Variants in PCDH15 observed in about 807,000 individuals in gnomAD.
The protein encoded by PCDH15 is protocadherin-15.
PCDH15 carries 129 observed loss-of-function variants against 178.5 expected under a neutral mutation model. The ratio of observed to expected loss-of-function variants is 0.72; its 90% CI spans 0.63 to 0.84. PCDH15 has a LOEUF of 0.84. Ranked by LOEUF, PCDH15 falls within the 40% of genes least tolerant of loss-of-function variation. The probability of loss-of-function intolerance (pLI) is 0.00; values close to 1 mark genes in which losing one functional copy is unlikely to be tolerated. For missense variants in PCDH15, 2,230 were observed against 2,099.9 expected, an observed-to-expected ratio of 1.06 and a Z score of -1.21; for synonymous variants, 800 against 732.0, an observed-to-expected ratio of 1.09 and a Z score of -1.50.
intron 25 of PCDH15, among the ~76,000 whole-genome samples, chr10:53,917,439 GAATA>G (rs1195908384): frequency 6.6e-6 from 1 of 152,024 alleles, no homozygotes; most frequent in Admixed American, 6.5e-5. Context: ...AAAAAAAGAT[GAATA>G]AATTTACTAA....
intron 6 of PCDH15, among the ~76,000 whole-genome samples, chr10:54,345,829 A>C (rs144288710): frequency 0.01 from 1,404 of 137,196 alleles, 9 homozygotes; most frequent in South Asian, 0.02. Flanking sequence ...AAAAAAAAAA[A>C]AAAAAGAAAT....
chr10:55,542,372 G>A (rs1160782983), intron 2 of PCDH15, among the ~76,000 whole-genome samples: 5 of 150,538 alleles, frequency 3.3e-5, no homozygotes, highest in Admixed American at 6.6e-5. Context: ...AAATATAAAT[G>A]TGTCTATATA....
At chr10:54,969,082 A>AT (rs76066772) in intron 2 of PCDH15, among the ~76,000 whole-genome samples, 97 of 149,046 alleles carry the variant, frequency 6.5e-4, no homozygotes, top group Middle Eastern at 7.0e-3. Flanking sequence ...TGTTTCTATT[A>AT]TTTTTTTTTT....
intron 3 of PCDH15, among the ~76,000 whole-genome samples, chr10:54,836,498 G>A (rs938482818): frequency 2.6e-5 from 4 of 152,028 alleles, no homozygotes; most frequent in African/African-American, 9.7e-5. Context: ...TACTGCAATT[G>A]TTACACAGTT....
chr10:55,442,484 T>TATATATAATATATTATATATATATA (rs1839217411), intron 2 of PCDH15, among the ~76,000 whole-genome samples: 4 of 123,080 alleles, frequency 3.2e-5, no homozygotes, highest in African/African-American at 1.4e-4. Context: ...ATATATATTA[T>TATATATAATATATTATATATATATA]ATATATATAT....
At chr10:53,948,472 G>C (rs2252100) in intron 23 of PCDH15, among the ~76,000 whole-genome samples, 24 of 152,112 alleles carry the variant, frequency 1.6e-4, no homozygotes, top group African/African-American at 5.5e-4. Context: ...ATGTGATTTT[G>C]GTTTAAGTAC....
At chr10:54,326,847 A>G (rs1394664330) in intron 7 of PCDH15, among the ~76,000 whole-genome samples, 2 of 152,174 alleles carry the variant, frequency 1.3e-5, no homozygotes, top group African/African-American at 4.8e-5. Flanking sequence ...TGTTCTTAAA[A>G]CTTTTAAAAA....
At chr10:54,566,112 A>G (rs2088996497) in intron 2 of PCDH15, among the ~76,000 whole-genome samples, 1 of 152,148 alleles carries the variant, frequency 6.6e-6, no homozygotes, top group African/African-American at 2.4e-5. Context: ...ATACATACAT[A>G]AAATGGATTG....
At chr10:53,840,193 G>T (rs893240604) in intron 29 of PCDH15, 127 bp downstream of exon 29, 1 of 1,170,960 alleles carries the variant, frequency 8.5e-7, no homozygotes, top group Non-Finnish European at 1.3e-6. Context: ...CAGGTTCTTT[G>T]CTTACACTTC....
chr10:55,078,451 G>T (rs961468359), intron 2 of PCDH15, among the ~76,000 whole-genome samples: 8 of 151,968 alleles, frequency 5.3e-5, no homozygotes, highest in Admixed American at 5.3e-4. Context: ...CTGATAATTT[G>T]TATATGTAGT....
intron 2 of PCDH15, among the ~76,000 whole-genome samples, chr10:54,615,026 T>C (rs764793489): frequency 6.6e-6 from 1 of 152,056 alleles, no homozygotes; most frequent in Non-Finnish European, 1.5e-5. Flanking sequence ...TTTTATTGAA[T>C]GTTGGATAGG....
At chr10:54,629,192 C>A (rs1348084537) in intron 2 of PCDH15, among the ~76,000 whole-genome samples, 3 of 151,884 alleles carry the variant, frequency 2.0e-5, no homozygotes, top group Admixed American at 1.3e-4. Context: ...GAGAAAACAT[C>A]ATTTTTGTAC....
At chr10:54,807,571 G>C (rs902211239) in intron 3 of PCDH15, among the ~76,000 whole-genome samples, 1 of 151,336 alleles carries the variant, frequency 6.6e-6, no homozygotes, top group Non-Finnish European at 1.5e-5. Context: ...GGTCAAGCCA[G>C]CCTTATGTTG....
chr10:54,579,398 C>T (rs138134005), intron 2 of PCDH15, among the ~76,000 whole-genome samples: 1,706 of 152,168 alleles, frequency 0.011, 13 homozygotes, highest in Admixed American at 0.017. Context: ...TAAAGAATGT[C>T]ATTAAATAAT....
intron 1 of PCDH15, among the ~76,000 whole-genome samples, chr10:55,318,872 G>T (rs1843805097): frequency 6.6e-6 from 1 of 152,022 alleles, no homozygotes; most frequent in Non-Finnish European, 1.5e-5. Flanking sequence ...TTTTCTCAAA[G>T]GGAAGAAAAA....
At chr10:54,837,841 A>G (rs1353813819) in intron 3 of PCDH15, among the ~76,000 whole-genome samples, 1 of 152,050 alleles carries the variant, frequency 6.6e-6, no homozygotes, top group Non-Finnish European at 1.5e-5. Context: ...GCAAGTCGAT[A>G]CCCTGGCTAC....
intron 1 of PCDH15, among the ~76,000 whole-genome samples, chr10:55,207,052 A>G (rs1669036044): frequency 6.6e-6 from 1 of 151,894 alleles, no homozygotes; most frequent in Admixed American, 6.6e-5. Context: ...TTTCTCTCAC[A>G]CCCTTCTAAC....
At chr10:55,472,908 T>C (rs1839992832) in intron 2 of PCDH15, among the ~76,000 whole-genome samples, 1 of 152,228 alleles carries the variant, frequency 6.6e-6, no homozygotes. Context: ...GGTAATTTTA[T>C]TGTTCTGTGA....
chr10:55,131,798 G>A (rs1453173688), intron 2 of PCDH15, among the ~76,000 whole-genome samples: 1 of 152,106 alleles, frequency 6.6e-6, no homozygotes, highest in Non-Finnish European at 1.5e-5. Flanking sequence ...AGGGGAGAAA[G>A]TACATGCTGA....
Sources: gnomAD v4.1 joint callset for allele counts (sites outside exome capture counted in the v4.1 genomes callset) on GRCh38, gnomAD v4.1.1 for gene constraint, MANE v1.5 for transcripts, NCBI Gene and HGNC (gene_info 2026-07-23, HGNC 2026-07-21) for gene names.